ATL1: variants seen among roughly 807,000 people sequenced by gnomAD.
The protein encoded by ATL1 is atlastin GTPase 1.
In ATL1, 31 loss-of-function variants were observed where a neutral mutation model predicts 75.5. That is an observed-to-expected ratio of 0.41 (90% confidence interval 0.31 to 0.55). The LOEUF (loss-of-function observed/expected upper bound fraction) is 0.55. Ranked by LOEUF, ATL1 falls within the 20% of genes least tolerant of loss-of-function variation. ATL1 has a pLI of 0.27. For synonymous variants in ATL1, 226 were observed against 233.3 expected, an observed-to-expected ratio of 0.97 and a Z score of 0.28; for missense variants, 405 against 662.6, an observed-to-expected ratio of 0.61 and a Z score of 4.27.
intron 6 of ATL1, among the ~76,000 whole-genome samples, chr14:50,601,084 G>C (rs2039267767): frequency 6.6e-6 from 1 of 151,962 alleles, no homozygotes; most frequent in Non-Finnish European, 1.5e-5. Context: ...CTCCAGCCTG[G>C]GCAACAGAGT....
At chr14:50,617,566 G>GT (rs2039427018) in intron 8 of ATL1, among the ~76,000 whole-genome samples, 2 of 152,136 alleles carry the variant, frequency 1.3e-5, no homozygotes, top group Non-Finnish European at 2.9e-5. Flanking sequence ...AATTTATACA[G>GT]CAATACTATA....
chr14:50,624,060 AC>A (rs1289650241), intron 11 of ATL1, among the ~76,000 whole-genome samples: 1 of 152,272 alleles, frequency 6.6e-6, no homozygotes, highest in Non-Finnish European at 1.5e-5. Flanking sequence ...GTCTCAAAAA[AC>A]AAAATGTTAT....
upstream of ATL1, chr14:50,559,298 C>T (rs1485913907): frequency 6.6e-6 from 1 of 152,178 alleles, no homozygotes; most frequent in African/African-American, 2.4e-5. Flanking sequence ...CAGAAGGAAA[C>T]TGTAAGGGAC....
chr14:50,564,532 C>T (rs1206993243), intron 1 of ATL1, among the ~76,000 whole-genome samples: 1 of 151,020 alleles, frequency 6.6e-6, no homozygotes, highest in East Asian at 2.0e-4. Context: ...ACTTGTAATC[C>T]CAGCTACTCG....
chr14:50,547,118 C>A (rs1466178659), intron 1 of ATL1, among the ~76,000 whole-genome samples: 1 of 151,962 alleles, frequency 6.6e-6, no homozygotes, highest in Non-Finnish European at 1.5e-5. Flanking sequence ...TATTTACAGG[C>A]TATAAAAATG....
intron 1 of ATL1, among the ~76,000 whole-genome samples, chr14:50,544,312 C>T (rs1162578967): frequency 6.6e-6 from 1 of 152,210 alleles, no homozygotes; most frequent in African/African-American, 2.4e-5. Context: ...TTTTCTCTGT[C>T]CTTACTATCA....
rs148484195 is a variant in ATL1 at position 50,617,598 on chromosome 14, G to A, written c.863-3001G>A. The stretch of plus-strand genomic sequence containing the variant: ...TATACTAGTGCATCTGCCCTGTGGA[G>A]TTCTTATAAAGCATACATCGTATTC... On this transcript the variant is annotated intron_variant, in intron 8 of 13. Coordinates refer to ENST00000358385, the MANE Select transcript of ATL1 (RefSeq NM_015915.5). Among the ~76,000 whole-genome samples, 11 of 152,304 alleles carry A rather than the reference G, an allele frequency of 7.2e-5. No homozygotes were observed. The East Asian group carries it at 2.1e-3, about 29-fold the overall frequency.
At chr14:50,607,223 A>G (rs2039323699) in intron 6 of ATL1, among the ~76,000 whole-genome samples, 1 of 152,058 alleles carries the variant, frequency 6.6e-6, no homozygotes. Flanking sequence ...CAAAAATGGT[A>G]CAATGAGACG....
chr14:50,595,774 A>C (rs2039210365), intron 6 of ATL1, 142 bp downstream of exon 6: 3 of 677,924 alleles, frequency 4.4e-6, no homozygotes, highest in Non-Finnish European at 5.0e-6. Flanking sequence ...ATTTGATGCA[A>C]TATAGAATGA....
intron 4 of ATL1, 66 bp from the exon 5 acceptor site, chr14:50,593,780 A>C (rs1318624872): frequency 2.0e-6 from 2 of 1,017,178 alleles, no homozygotes; most frequent in African/African-American, 1.6e-5. Context: ...AAAGTAGGGA[A>C]TGATGAAGTA....
At chr14:50,570,552 T>C (rs2038945565) in intron 1 of ATL1, among the ~76,000 whole-genome samples, 1 of 152,106 alleles carries the variant, frequency 6.6e-6, no homozygotes, top group Non-Finnish European at 1.5e-5. Context: ...GGAATTTCTT[T>C]TTGGTTTATT....
At chr14:50,573,107 A>T (rs897190919) in intron 1 of ATL1, among the ~76,000 whole-genome samples, 3 of 152,156 alleles carry the variant, frequency 2.0e-5, no homozygotes, top group Admixed American at 2.0e-4. Context: ...ATCACCTCCC[A>T]CGAGGTCCTT....
At chr14:50,559,363 A>T (rs1012744878), upstream of ATL1, 1 of 152,266 alleles carries the variant, frequency 6.6e-6, no homozygotes, top group South Asian at 2.1e-4. Context: ...TTTCCAGGTT[A>T]CTGAAAACAA....
At chr14:50,542,997 T>C (rs1259632488) in intron 1 of ATL1, among the ~76,000 whole-genome samples, 1 of 152,202 alleles carries the variant, frequency 6.6e-6, no homozygotes, top group African/African-American at 2.4e-5. Flanking sequence ...AGAAGTATTA[T>C]GGATGGATTC....
At chr14:50,608,676 G>A (rs993653285) in intron 6 of ATL1, among the ~76,000 whole-genome samples, 1 of 152,010 alleles carries the variant, frequency 6.6e-6, no homozygotes, top group African/African-American at 2.4e-5. Flanking sequence ...CAGTGAAAAA[G>A]ACCAAGAAAT....
At chr14:50,589,465 C>T (rs1002870402) in intron 2 of ATL1, among the ~76,000 whole-genome samples, 2 of 151,878 alleles carry the variant, frequency 1.3e-5, no homozygotes, top group Non-Finnish European at 2.9e-5. Flanking sequence ...GCCTGATCGA[C>T]GTATTTCTAA....
intron 6 of ATL1, among the ~76,000 whole-genome samples, chr14:50,595,911 G>T (rs1465308039): frequency 6.6e-6 from 1 of 151,590 alleles, no homozygotes; most frequent in Non-Finnish European, 1.5e-5. Flanking sequence ...AACTCAAAGT[G>T]ACTCTCAAAG....
At chr14:50,579,131 C>T (rs2039033673) in intron 1 of ATL1, among the ~76,000 whole-genome samples, 1 of 152,090 alleles carries the variant, frequency 6.6e-6, no homozygotes, top group African/African-American at 2.4e-5. Context: ...TCTCCTCCAC[C>T]AGGTGTAGGT....
At chr14:50,624,183 T>G (rs1370416634) in intron 11 of ATL1, among the ~76,000 whole-genome samples, 4 of 152,104 alleles carry the variant, frequency 2.6e-5, no homozygotes, top group African/African-American at 9.6e-5. Flanking sequence ...TATAATTAAA[T>G]CTCAAATGCA....
Sources: gnomAD v4.1 joint callset for allele counts (sites outside exome capture counted in the v4.1 genomes callset) on GRCh38, gnomAD v4.1.1 for gene constraint, MANE v1.5 for transcripts, NCBI Gene and HGNC (gene_info 2026-07-23, HGNC 2026-07-21) for gene names.